JARID2: variants seen among roughly 807,000 people sequenced by gnomAD.
The protein encoded by JARID2 is protein Jumonji.
A neutral mutation model predicts 125.6 loss-of-function variants in JARID2; 21 were observed. The ratio of observed to expected loss-of-function variants is 0.17; its 90% confidence interval spans 0.12 to 0.24. The LOEUF is 0.24. Among genes scored for constraint, JARID2 ranks in the 10% least tolerant of loss-of-function variants. The pLI is 1.00. For synonymous variants in JARID2, 736 were observed against 661.6 expected, an observed-to-expected ratio of 1.11 and a Z score of -1.73; for missense variants, 1,303 against 1,639.6, an observed-to-expected ratio of 0.79 and a Z score of 3.55.
At chr6:15,407,058 T>C (rs978704757) in intron 2 of JARID2, among the ~76,000 whole-genome samples, 7 of 151,836 alleles carry the variant, frequency 4.6e-5, no homozygotes, top group African/African-American at 1.7e-4. Flanking sequence ...CCCAGGAGTT[T>C]GAGACCAGCT....
At chr6:15,504,450 T>G (rs748230272) in intron 8 of JARID2, 50 bp from the exon 9 acceptor site, 2 of 1,406,046 alleles carry the variant, frequency 1.4e-6, no homozygotes, top group African/African-American at 2.8e-5. Flanking sequence ...TCATTTGCAG[T>G]AGGGTTCAGC....
At chr6:15,267,400 G>A (rs546238780) in intron 1 of JARID2, among the ~76,000 whole-genome samples, 1 of 152,304 alleles carries the variant, frequency 6.6e-6, no homozygotes, top group African/African-American at 2.4e-5. Flanking sequence ...GGATCCTGAA[G>A]CCTAACCAAC....
intron 1 of JARID2, among the ~76,000 whole-genome samples, chr6:15,249,132 G>A (rs921354742): frequency 6.6e-6 from 1 of 152,202 alleles, no homozygotes; most frequent in Admixed American, 6.5e-5. Flanking sequence ...TGGTGCATGT[G>A]TCCCCTCTCC....
intron 2 of JARID2, among the ~76,000 whole-genome samples, chr6:15,401,678 C>G (rs17576872): frequency 0.083 from 12,563 of 152,186 alleles, 721 homozygotes; most frequent in Non-Finnish European, 0.12. Context: ...CTTGATTCTT[C>G]TCCCGAATTT....
intron 16 of JARID2, among the ~76,000 whole-genome samples, chr6:15,514,935 G>A (rs895575851): frequency 6.6e-6 from 1 of 152,132 alleles, no homozygotes; most frequent in African/African-American, 2.4e-5. Context: ...GTATTACCTA[G>A]AGCCATTTGG....
chr6:15,354,304 G>A (rs1358200071), intron 1 of JARID2, among the ~76,000 whole-genome samples: 4 of 152,152 alleles, frequency 2.6e-5, no homozygotes, highest in African/African-American at 4.8e-5. Context: ...AAAAGGGCAC[G>A]GTATTGGATT....
intron 4 of JARID2, among the ~76,000 whole-genome samples, chr6:15,466,046 C>T (rs1274158276): frequency 6.6e-6 from 1 of 152,194 alleles, no homozygotes; most frequent in Non-Finnish European, 1.5e-5. Flanking sequence ...TCAGGTGCAC[C>T]ACCCGCCTTG....
chr6:15,281,643 T>C (rs777402843), intron 1 of JARID2, among the ~76,000 whole-genome samples: 4 of 152,238 alleles, frequency 2.6e-5, no homozygotes, highest in Non-Finnish European at 5.9e-5. Flanking sequence ...GCCTGTGATT[T>C]AGCTTTTTCT....
At chr6:15,511,181 C>T (rs548732190) in intron 12 of JARID2, 115 bp from the exon 13 acceptor site, 68 of 718,376 alleles carry the variant, frequency 9.5e-5, no homozygotes, top group South Asian at 7.8e-4. Context: ...TCCCTGCCGG[C>T]GTGGAGCAGA....
intron 1 of JARID2, among the ~76,000 whole-genome samples, chr6:15,352,569 G>C (rs1477120716): frequency 1.3e-5 from 2 of 152,194 alleles, no homozygotes; most frequent in Admixed American, 6.5e-5. Context: ...TTTCCTTGCA[G>C]ATCCTTTTCC....
At chr6:15,302,167 G>T (rs893785336) in intron 1 of JARID2, among the ~76,000 whole-genome samples, 4 of 152,162 alleles carry the variant, frequency 2.6e-5, no homozygotes, top group African/African-American at 9.7e-5. Flanking sequence ...TGTAATCCCA[G>T]CACTTTGGGA....
intron 1 of JARID2, among the ~76,000 whole-genome samples, chr6:15,347,547 T>C (rs1763282879): frequency 6.6e-6 from 1 of 152,198 alleles, no homozygotes; most frequent in Non-Finnish European, 1.5e-5. Context: ...CTGGGTATAC[T>C]CTCTAATGTA....
intron 1 of JARID2, among the ~76,000 whole-genome samples, chr6:15,303,393 GC>G (rs1453393160): frequency 6.6e-6 from 1 of 152,254 alleles, no homozygotes; most frequent in African/African-American, 2.4e-5. Flanking sequence ...GCCTTGAGTA[GC>G]AAGGCTATGG....
In JARID2 at chr6:15,321,235, T is replaced by C. The variant is rs531026535; in HGVS notation, c.46-52882T>C. Reference sequence around the variant, plus strand: ...GTATAATCAGTATAATCATACACCTTCTTGTGGGGATAAAGGGAATGAAGG... The same window carrying C: ...GTATAATCAGTATAATCATACACCTCCTTGTGGGGATAAAGGGAATGAAGG... On this transcript the variant is annotated intron_variant, in intron 1 of 17. Coordinates refer to ENST00000341776, the MANE Select transcript of JARID2 (RefSeq NM_004973.4). Among the ~76,000 whole-genome samples the C allele has an allele frequency of 3.8e-3, 579 of 152,232 alleles. 1 individual carries two copies. The highest frequency in any genetic ancestry group is 6.0e-3 in the Non-Finnish European group (411 of 68,014).
intron 1 of JARID2, among the ~76,000 whole-genome samples, chr6:15,300,194 G>A (rs1443288587): frequency 5.3e-5 from 8 of 152,206 alleles, no homozygotes; most frequent in African/African-American, 1.9e-4. Flanking sequence ...CGCAGTGAAG[G>A]TTGGATGGGT....
At chr6:15,400,023 A>G (rs761654381) in intron 2 of JARID2, among the ~76,000 whole-genome samples, 1 of 152,278 alleles carries the variant, frequency 6.6e-6, no homozygotes, top group African/African-American at 2.4e-5. Flanking sequence ...GTCTGAGGCC[A>G]GGGAGCTGGC....
chr6:15,460,392 A>G (rs1768385978), intron 4 of JARID2, among the ~76,000 whole-genome samples: 1 of 152,166 alleles, frequency 6.6e-6, no homozygotes, highest in South Asian at 2.1e-4. Context: ...GCACAGATTC[A>G]GTAGTACTTC....
At chr6:15,423,062 C>G (rs535421846) in intron 3 of JARID2, among the ~76,000 whole-genome samples, 2 of 149,138 alleles carry the variant, frequency 1.3e-5, no homozygotes, top group Non-Finnish European at 3.0e-5. Flanking sequence ...TGCAGTGTTA[C>G]GATATCGGCA....
At chr6:15,268,891 TTTAA>T (rs1314325195) in intron 1 of JARID2, among the ~76,000 whole-genome samples, 2 of 152,098 alleles carry the variant, frequency 1.3e-5, no homozygotes, top group African/African-American at 4.8e-5. Context: ...GGAAGCCAAG[TTTAA>T]TTAAAGTCAA....
Sources: allele counts gnomAD v4.1 joint callset (sites outside exome capture counted in the v4.1 genomes callset), GRCh38; gene constraint gnomAD v4.1.1; transcripts MANE v1.5; gene names NCBI Gene and HGNC (gene_info 2026-07-23, HGNC 2026-07-21).